Variants in DTWD2 observed in about 807,000 individuals in gnomAD.
The protein encoded by DTWD2 is DTW motif tRNA-uridine aminocarboxypropyltransferase 2, also known as tRNA-uridine aminocarboxypropyltransferase 2.
DTWD2 carries 39 observed loss-of-function variants against 31.8 expected under a neutral mutation model. The ratio of observed to expected loss-of-function variants is 1.22; its 90% CI spans 0.95 to 1.60. The LOEUF (loss-of-function observed/expected upper bound fraction) is 1.60. Among genes scored for constraint, DTWD2 ranks in the 40% most tolerant of loss-of-function variants. The pLI, the probability that DTWD2 is intolerant of heterozygous loss-of-function variation, is 0.00. For missense variants in DTWD2, 515 were observed against 381.5 expected, an observed-to-expected ratio of 1.35 and a Z score of -2.92; for synonymous variants, 180 against 142.8, an observed-to-expected ratio of 1.26 and a Z score of -1.86.
At chr5:118,928,762 AGCTTGTGAGG>A (rs1580415240) in intron 3 of DTWD2, 33 bp from the exon 4 acceptor site, 1 of 1,467,308 alleles carries the variant, frequency 6.8e-7, no homozygotes. Context: ...TATCTTTATT[AGCTTGTGAGG>A]AAAAAAGGTT....
chr5:118,872,470 C>T (rs2149550215), intron 4 of DTWD2, among the ~76,000 whole-genome samples: 1 of 152,228 alleles, frequency 6.6e-6, no homozygotes, highest in East Asian at 1.9e-4. Context: ...AGAGGCCATT[C>T]TAGGATATTA....
chr5:118,946,639 G>C (rs1350688241), intron 1 of DTWD2, among the ~76,000 whole-genome samples: 1 of 152,130 alleles, frequency 6.6e-6, no homozygotes, highest in Non-Finnish European at 1.5e-5. Context: ...ATTTCAATGT[G>C]GCGGGTGGGG....
rs188351775 is a variant in DTWD2, at chr5:118,975,850, G to A, written c.218+12444C>T. 5.6e-4 allele frequency among the ~76,000 whole-genome samples: 85 copies of A among 152,260 alleles called. 1 individual carries two copies. The East Asian group carries it at 0.015, about 28-fold the overall frequency. On this transcript the variant is annotated intron_variant, in intron 1 of 5. Transcript: ENST00000510708. ...AGCTCTGGACCAAGTAGACCTAATA[G>A]ACATCTACAGAACTCTCCACCCCAA...
chr5:118,982,720 G>A lies in DTWD2; in HGVS notation c.218+5574C>T, dbSNP rs60525481. ...TTTTTTTTTTTTGAGACGGAGTTTC[G>A]CTCTGTCGCCGAGGCTGGAGTGCAG... On this transcript the variant is annotated intron_variant, in intron 1 of 5. Transcript: ENST00000510708. 5.5e-3 allele frequency among the ~76,000 whole-genome samples: 692 copies of A among 124,940 alleles called. 6 individuals are homozygous for A. Among genetic ancestry groups the A allele is most frequent in the African/African-American group, 0.02 (651 of 32,112 alleles). 82.0% of individuals were successfully genotyped at this position (124,940 alleles called of 152,430 possible).
At chr5:118,935,918 A>G (rs1273310521) in intron 3 of DTWD2, among the ~76,000 whole-genome samples, 1 of 152,214 alleles carries the variant, frequency 6.6e-6, no homozygotes, top group East Asian at 1.9e-4. Flanking sequence ...GTGTAACACT[A>G]CATCTGACAA....
chr5:118,878,803 A>T (rs1283951757), intron 4 of DTWD2, among the ~76,000 whole-genome samples: 1 of 151,522 alleles, frequency 6.6e-6, no homozygotes, highest in African/African-American at 2.4e-5. Flanking sequence ...AATTCACAAG[A>T]AAAAAAAATC....
intron 1 of DTWD2, among the ~76,000 whole-genome samples, chr5:118,959,349 T>A (rs1754658341): frequency 6.6e-6 from 1 of 151,956 alleles, no homozygotes; most frequent in South Asian, 2.1e-4. Context: ...CCACTCACAA[T>A]AGACACAAAA....
intron 4 of DTWD2, among the ~76,000 whole-genome samples, chr5:118,872,058 A>C (rs911739260): frequency 1.3e-5 from 2 of 152,204 alleles, no homozygotes; most frequent in African/African-American, 4.8e-5. Context: ...CTCAAACCTC[A>C]TGAACCAACC....
At chr5:118,925,177 AACT>A (rs1753783286) in intron 4 of DTWD2, among the ~76,000 whole-genome samples, 1 of 152,226 alleles carries the variant, frequency 6.6e-6, no homozygotes, top group Non-Finnish European at 1.5e-5. Context: ...ATAACACAAA[AACT>A]ACTGGGAATG....
At chr5:118,975,289 G>A (rs1755126625) in intron 1 of DTWD2, among the ~76,000 whole-genome samples, 1 of 151,900 alleles carries the variant, frequency 6.6e-6, no homozygotes, top group Non-Finnish European at 1.5e-5. Context: ...TTCAATTTCT[G>A]ATATCCTTTC....
At chr5:118,895,767 G>C (rs1255305286) in intron 4 of DTWD2, among the ~76,000 whole-genome samples, 1 of 152,058 alleles carries the variant, frequency 6.6e-6, no homozygotes, top group African/African-American at 2.4e-5. Flanking sequence ...TTGGGGAAAG[G>C]GCAGTCTCTT....
rs1751692880 is a variant in DTWD2 at position 118,840,764 on chromosome 5, T to C, written c.*153A>G. On this transcript the variant is annotated 3_prime_UTR_variant, in exon 6 of 6. Coordinates refer to ENST00000510708, the MANE Select transcript of DTWD2 (RefSeq NM_173666.4). ...GTGAATTTCTGTTTATTTGTATTTA[T>C]GAATATTTGGTTTACTTCCTTCTTC... 1.4e-6 allele frequency: 1 copy of C among 720,816 alleles called. No individual in the cohort carries two copies. Among genetic ancestry groups the C allele is most frequent in the Non-Finnish European group, 2.0e-6 (1 of 498,422 alleles). The allele number at this position is 720,816 out of a possible 1,614,324, so 44.7% of individuals were successfully genotyped here.
In DTWD2 at chr5:118,943,001, G is replaced by A. The variant is rs59879571; in HGVS notation, c.309+1558C>T. Among the ~76,000 whole-genome samples, 840 of 152,022 alleles carry A rather than the reference G, an allele frequency of 5.5e-3. 8 individuals are homozygous for A. Among genetic ancestry groups the A allele is most frequent in the African/African-American group, 0.019 (793 of 41,470 alleles). On this transcript the variant is annotated intron_variant, in intron 2 of 5. Transcript: ENST00000510708. ...TATTTGTTTATAGAGATGGGGTCTC[G>A]CTATGTTGCCCAGGCTGGTCTCAAA...
At chr5:118,918,747 A>T (rs1753635914) in intron 4 of DTWD2, among the ~76,000 whole-genome samples, 1 of 151,914 alleles carries the variant, frequency 6.6e-6, no homozygotes, top group Admixed American at 6.6e-5. Context: ...CAGCATTTTC[A>T]GAGGCCAAGG....
chr5:118,841,872 A>G (rs1751723039), intron 5 of DTWD2, among the ~76,000 whole-genome samples: 1 of 152,226 alleles, frequency 6.6e-6, no homozygotes, highest in South Asian at 2.1e-4. Flanking sequence ...ATTTTCAAAA[A>G]TAACAGCAAA....
At chr5:118,869,424 T>C (rs2149548792) in intron 4 of DTWD2, among the ~76,000 whole-genome samples, 1 of 152,274 alleles carries the variant, frequency 6.6e-6, no homozygotes, top group Admixed American at 6.5e-5. Flanking sequence ...GAGGGGTTCC[T>C]ACTGCAATCT....
intron 3 of DTWD2, among the ~76,000 whole-genome samples, chr5:118,935,654 A>G (rs1034850885): frequency 3.3e-5 from 5 of 152,240 alleles, no homozygotes; most frequent in Non-Finnish European, 5.9e-5. Context: ...CCAACAACAC[A>G]TAATAATGAT....
intron 4 of DTWD2, among the ~76,000 whole-genome samples, chr5:118,867,372 A>C (rs180987156): frequency 6.6e-6 from 1 of 152,102 alleles, no homozygotes; most frequent in East Asian, 1.9e-4. Flanking sequence ...GAAAAAAAAA[A>C]CTCCTTACAA....
intron 4 of DTWD2, among the ~76,000 whole-genome samples, chr5:118,881,397 A>T (rs1752737014): frequency 6.6e-6 from 1 of 152,254 alleles, no homozygotes; most frequent in Admixed American, 6.5e-5. Context: ...CCTAAGAAAT[A>T]ACATGGCTTA....
Sources: gnomAD v4.1 joint callset for allele counts (sites outside exome capture counted in the v4.1 genomes callset) on GRCh38, gnomAD v4.1.1 for gene constraint, MANE v1.5 for transcripts, NCBI Gene and HGNC (gene_info 2026-07-23, HGNC 2026-07-21) for gene names.